POLR2B: variants seen among roughly 807,000 people sequenced by gnomAD.
POLR2B encodes RNA polymerase II subunit B.
Under a neutral mutation model 144.6 loss-of-function variants are expected in POLR2B, and 57 were observed. The ratio of observed to expected loss-of-function variants is 0.39; its 90% CI spans 0.32 to 0.49. POLR2B has a LOEUF of 0.49. Among genes scored for constraint, POLR2B ranks in the 20% least tolerant of loss-of-function variants. POLR2B has a pLI of 0.83. For missense variants in POLR2B, 595 were observed against 1,467.4 expected, an observed-to-expected ratio of 0.41 and a Z score of 9.71; for synonymous variants, 442 against 469.8, an observed-to-expected ratio of 0.94 and a Z score of 0.77.
At chr4:57,008,897 C>G (rs1723106622) in intron 10 of POLR2B, among the ~76,000 whole-genome samples, 1 of 152,118 alleles carries the variant, frequency 6.6e-6, no homozygotes, top group Non-Finnish European at 1.5e-5. Flanking sequence ...GGAGCTAGAG[C>G]AGTTCTGGGT....
chr4:57,030,481 C>A, intron 24 of POLR2B, 82 bp downstream of exon 24: 1 of 989,430 alleles, frequency 1.0e-6, no homozygotes, highest in Non-Finnish European at 1.5e-6. Flanking sequence ...ATTAGTGTGG[C>A]AGAACAGATT....
chr4:57,015,246 G>A (rs547657085), intron 13 of POLR2B, among the ~76,000 whole-genome samples: 80 of 152,240 alleles, frequency 5.3e-4, no homozygotes, highest in African/African-American at 1.8e-3. Flanking sequence ...TATTTCCTAC[G>A]TTAACTTGCA....
At chr4:57,015,390 G>A in intron 13 of POLR2B, 112 bp from the exon 14 acceptor site, 1 of 494,732 alleles carries the variant, frequency 2.0e-6, no homozygotes, top group Non-Finnish European at 3.4e-6. Context: ...CATTTTACTT[G>A]ATAAATTGGT....
intron 23 of POLR2B, among the ~76,000 whole-genome samples, chr4:57,027,515 C>T (rs1328259822): frequency 2.6e-5 from 4 of 151,950 alleles, no homozygotes; most frequent in African/African-American, 4.8e-5. Context: ...GCCATGTTTC[C>T]CAGCTGGTCT....
At chr4:57,025,654 A>T in intron 23 of POLR2B, 117 bp downstream of exon 23, 2 of 642,220 alleles carry the variant, frequency 3.1e-6, no homozygotes, top group Non-Finnish European at 5.5e-6. Context: ...CCCCCATTTC[A>T]ACAATTATCG....
chr4:57,025,208 G>A (rs944463611), intron 22 of POLR2B, among the ~76,000 whole-genome samples, 169 bp from the exon 23 acceptor site: 2 of 151,992 alleles, frequency 1.3e-5, no homozygotes, highest in South Asian at 2.1e-4. Context: ...TTTTTTAGTC[G>A]CTACCTTTCC....
chr4:56,984,826 TAAG>T (rs985693569), intron 1 of POLR2B, among the ~76,000 whole-genome samples: 5 of 152,216 alleles, frequency 3.3e-5, no homozygotes, highest in African/African-American at 1.2e-4. Flanking sequence ...TTCTTTCCCT[TAAG>T]AAGATGGGAC....
chr4:56,986,492 TA>T (rs770917366), intron 2 of POLR2B, 66 bp downstream of exon 2: 50 of 882,314 alleles, frequency 5.7e-5, no homozygotes, highest in Non-Finnish European at 9.5e-5. Context: ...TTCTTCTTGA[TA>T]AATAGCTCTT....
chr4:57,004,629 G>T (rs1722962862), intron 7 of POLR2B, among the ~76,000 whole-genome samples: 1 of 152,120 alleles, frequency 6.6e-6, no homozygotes, highest in Non-Finnish European at 1.5e-5. Context: ...TCTGTAAATT[G>T]ATTTTAGATA....
At chr4:57,016,706 C>G (rs1723378200) in intron 14 of POLR2B, among the ~76,000 whole-genome samples, 1 of 149,684 alleles carries the variant, frequency 6.7e-6, no homozygotes, top group Non-Finnish European at 1.5e-5. Context: ...GTTATGTATA[C>G]TAATATAAAA....
intron 1 of POLR2B, among the ~76,000 whole-genome samples, chr4:56,980,916 T>A (rs1246124811): frequency 6.6e-6 from 1 of 151,694 alleles, no homozygotes; most frequent in African/African-American, 2.4e-5. Flanking sequence ...GCAGTTCTCC[T>A]GCCTCAGCCT....
chr4:56,997,066 G>A (rs1051241248), intron 6 of POLR2B, among the ~76,000 whole-genome samples: 1 of 152,026 alleles, frequency 6.6e-6, no homozygotes, highest in Non-Finnish European at 1.5e-5. Context: ...GCACACCAGC[G>A]TGGGTGACAG....
intron 16 of POLR2B, among the ~76,000 whole-genome samples, chr4:57,019,255 GA>G (rs1350138883): frequency 3.3e-5 from 5 of 152,316 alleles, no homozygotes; most frequent in African/African-American, 1.2e-4. Context: ...TAAATATACA[GA>G]AGGACTAGGT....
At position 57,027,288 on chromosome 4, in the gene POLR2B, C is replaced by T. The variant is rs138072783; in HGVS notation, c.3239+1751C>T. 2.3e-3 allele frequency among the ~76,000 whole-genome samples: 354 copies of T among 152,190 alleles called. 2 individuals carry two copies. The highest frequency in any genetic ancestry group is 8.2e-3 in the African/African-American group (342 of 41,530). On this transcript the variant is annotated intron_variant, in intron 23 of 24. Transcript: ENST00000314595. ...CCTTCCAAATTGCTGGGATTACAGG[C>T]AAGAGCCACCACGCCCAGCCCACCC...
At chr4:57,028,738 G>A (rs1322911339) in intron 23 of POLR2B, among the ~76,000 whole-genome samples, 2 of 152,006 alleles carry the variant, frequency 1.3e-5, no homozygotes, top group South Asian at 2.1e-4. Flanking sequence ...ACTCTCAGGC[G>A]GTCCATGAAC....
At chr4:57,008,127 G>C (rs1723078540) in intron 10 of POLR2B, among the ~76,000 whole-genome samples, 1 of 152,000 alleles carries the variant, frequency 6.6e-6, no homozygotes, top group Admixed American at 6.6e-5. Flanking sequence ...AGAGGAAACA[G>C]ATTCATTCAT....
intron 7 of POLR2B, among the ~76,000 whole-genome samples, chr4:57,000,682 A>G (rs565449340): frequency 6.6e-6 from 1 of 151,738 alleles, no homozygotes; most frequent in South Asian, 2.1e-4. Flanking sequence ...AGAACATTTT[A>G]CTTAGATACA....
chr4:56,995,728 A>G (rs865829956), intron 6 of POLR2B, among the ~76,000 whole-genome samples: 17 of 152,092 alleles, frequency 1.1e-4, no homozygotes, highest in African/African-American at 3.6e-4. Context: ...TTAGTTCTTC[A>G]TTGGCTGTTG....
chr4:56,993,492 C>T (rs973327085), intron 3 of POLR2B, among the ~76,000 whole-genome samples: 3 of 152,168 alleles, frequency 2.0e-5, no homozygotes, highest in Non-Finnish European at 4.4e-5. Flanking sequence ...GCTTGGGAGA[C>T]TTGAGTGTCA....
Sources: allele counts gnomAD v4.1 joint callset (sites outside exome capture counted in the v4.1 genomes callset), GRCh38; gene constraint gnomAD v4.1.1; transcripts MANE v1.5; gene names NCBI Gene and HGNC (gene_info 2026-07-23, HGNC 2026-07-21).